Variants in GREB1L observed in about 807,000 individuals in gnomAD.
GREB1L encodes the protein GREB1 like retinoic acid receptor coactivator.
In GREB1L, 17 loss-of-function variants were observed where a neutral mutation model predicts 200.8. The observed-to-expected ratio is 0.08, with a 90% confidence interval of 0.06 to 0.13. The LOEUF (loss-of-function observed/expected upper bound fraction) is 0.13. Ranked by LOEUF, GREB1L falls within the 10% of genes least tolerant of loss-of-function variation. GREB1L has a pLI of 1.00. For missense variants in GREB1L, 1,657 were observed against 2,367.7 expected, an observed-to-expected ratio of 0.70 and a Z score of 6.23; for synonymous variants, 789 against 893.0, an observed-to-expected ratio of 0.88 and a Z score of 2.08.
At chr18:21,293,891 T>C (rs750131926) in intron 1 of GREB1L, among the ~76,000 whole-genome samples, 1 of 152,190 alleles carries the variant, frequency 6.6e-6, no homozygotes. Context: ...GTGATACTCA[T>C]ACCTCAGCCT....
intron 1 of GREB1L, among the ~76,000 whole-genome samples, chr18:21,326,544 CTT>C (rs2039025848): frequency 6.6e-6 from 1 of 152,098 alleles, no homozygotes; most frequent in South Asian, 2.1e-4. Context: ...ATTTTATATT[CTT>C]TTTATAAAAG....
intron 13 of GREB1L, 122 bp downstream of exon 13, chr18:21,451,273 A>C: frequency 9.0e-7 from 1 of 1,110,872 alleles, no homozygotes; most frequent in Non-Finnish European, 1.3e-6. Context: ...TTCATTTGAA[A>C]TGGTTTATCC....
chr18:21,376,737 G>A (rs1263018561), intron 2 of GREB1L, among the ~76,000 whole-genome samples: 8 of 145,400 alleles, frequency 5.5e-5, no homozygotes, highest in African/African-American at 1.3e-4. Context: ...TCCGGGAGGC[G>A]TAGCTTGCAG....
chr18:21,368,114 T>G (rs1449863703), intron 2 of GREB1L, among the ~76,000 whole-genome samples: 1 of 152,248 alleles, frequency 6.6e-6, no homozygotes, highest in Non-Finnish European at 1.5e-5. Context: ...ATAATAGGCC[T>G]TGTTAATTTA....
intron 5 of GREB1L, among the ~76,000 whole-genome samples, chr18:21,399,283 C>T (rs1186514479): frequency 6.6e-6 from 1 of 152,142 alleles, no homozygotes; most frequent in African/African-American, 2.4e-5. Context: ...ACAGGTCAGG[C>T]AGTTTTCCAT....
chr18:21,453,133 G>A (rs189257072), intron 14 of GREB1L, among the ~76,000 whole-genome samples: 9 of 152,326 alleles, frequency 5.9e-5, no homozygotes, highest in African/African-American at 1.7e-4. Flanking sequence ...TACAGATTCC[G>A]GAGTACATTC....
At chr18:21,471,426 A>G (rs112631309) in intron 15 of GREB1L, among the ~76,000 whole-genome samples, 4 of 151,970 alleles carry the variant, frequency 2.6e-5, no homozygotes, top group African/African-American at 9.7e-5. Flanking sequence ...TCCTCTGCCT[A>G]CCCCATAGTA....
rs1347083305 is a variant in GREB1L at position 21,454,473 on chromosome 18, C to A, written c.2092C>A (p.Leu698Ile). 6.4e-7 allele frequency: 1 copy of A among 1,551,610 alleles called. No homozygotes were observed. The highest frequency in any genetic ancestry group is 1.4e-5 in the African/African-American group (1 of 73,158). Residue 698 changes from leucine (L) to isoleucine (I), a missense_variant, in exon 15 of 33, where the codon CTC becomes ATC. Transcript: ENST00000424526. Reference sequence around the variant, plus strand: ...GGACAGTGGCAGCCAGAGCCTGGACCTCGGTCACTTCAGCAAAGTAGACTT... The same window carrying A: ...GGACAGTGGCAGCCAGAGCCTGGACATCGGTCACTTCAGCAAAGTAGACTT... Reference protein sequence around the residue: ...IADSGSQSLDLGHFSKVDFII... With the variant: ...IADSGSQSLDIGHFSKVDFII...
At chr18:21,464,404 C>T (rs1283571398) in intron 15 of GREB1L, among the ~76,000 whole-genome samples, 1 of 151,738 alleles carries the variant, frequency 6.6e-6, no homozygotes, top group Admixed American at 6.6e-5. Flanking sequence ...ATTAGCCGGG[C>T]GTAGTGGCAC....
intron 5 of GREB1L, among the ~76,000 whole-genome samples, chr18:21,398,011 A>G (rs1598757560): frequency 6.6e-6 from 1 of 152,340 alleles, no homozygotes; most frequent in Non-Finnish European, 1.5e-5. Context: ...CTAATGATAA[A>G]CAGTTCAGGT....
intron 7 of GREB1L, among the ~76,000 whole-genome samples, chr18:21,408,769 G>A (rs1276776352): frequency 7.3e-6 from 1 of 137,272 alleles, no homozygotes; most frequent in Non-Finnish European, 1.5e-5. Flanking sequence ...ATTCCAGCCT[G>A]AGCAAAAAGA....
At chr18:21,320,996 T>C (rs1260007678) in intron 1 of GREB1L, among the ~76,000 whole-genome samples, 4 of 152,096 alleles carry the variant, frequency 2.6e-5, no homozygotes, top group Non-Finnish European at 5.9e-5. Flanking sequence ...AAAAATAATA[T>C]TTAAAGATGT....
chr18:21,242,872 C>T (rs1251112012), intron 1 of GREB1L, among the ~76,000 whole-genome samples: 1 of 152,020 alleles, frequency 6.6e-6, no homozygotes, highest in Non-Finnish European at 1.5e-5. Context: ...GGCGGGCGGG[C>T]GACAGGTAGG....
chr18:21,328,181 C>G (rs754263025), intron 1 of GREB1L, among the ~76,000 whole-genome samples: 7 of 152,070 alleles, frequency 4.6e-5, no homozygotes, highest in African/African-American at 7.2e-5. Context: ...GCCATTGCCC[C>G]CCCCCGTTCC....
At chr18:21,282,878 G>A (rs1485128481) in intron 1 of GREB1L, among the ~76,000 whole-genome samples, 8 of 152,174 alleles carry the variant, frequency 5.3e-5, no homozygotes, top group African/African-American at 1.7e-4. Context: ...GATTACAGGC[G>A]TGAGCCACTG....
chr18:21,471,174 G>A (rs115147962), intron 15 of GREB1L, among the ~76,000 whole-genome samples: 296 of 152,170 alleles, frequency 1.9e-3, no homozygotes, highest in African/African-American at 7.0e-3. Context: ...AACCACAATC[G>A]GTCTTTATTT....
At chr18:21,252,783 G>A (rs536032072) in intron 1 of GREB1L, among the ~76,000 whole-genome samples, 7 of 152,024 alleles carry the variant, frequency 4.6e-5, no homozygotes, top group East Asian at 1.9e-4. Context: ...CATGAGAATC[G>A]CTTGAACCCG....
chr18:21,512,545 C>T lies in GREB1L; in HGVS notation c.4736-1276C>T, dbSNP rs543983595. On this transcript the variant is annotated intron_variant, in intron 27 of 32. Coordinates refer to ENST00000424526, the MANE Select transcript of GREB1L (RefSeq NM_001142966.3). ...TGCATCTTTGCTGGATTCACATATT[C>T]ATTCTAAAGGGGATTTTTGGTGGAA... Among the ~76,000 whole-genome samples, 8 of 152,268 alleles carry T rather than the reference C, an allele frequency of 5.3e-5. No homozygotes were observed. The South Asian group carries it at 1.7e-3, about 32-fold the overall frequency.
intron 1 of GREB1L, among the ~76,000 whole-genome samples, chr18:21,306,269 T>C (rs926455675): frequency 6.6e-6 from 1 of 152,188 alleles, no homozygotes; most frequent in East Asian, 1.9e-4. Flanking sequence ...CCATGAGGCA[T>C]ATAAACTGCT....
Sources: allele counts gnomAD v4.1 joint callset (sites outside exome capture counted in the v4.1 genomes callset), GRCh38; gene constraint gnomAD v4.1.1; transcripts MANE v1.5; gene names NCBI Gene and HGNC (gene_info 2026-07-23, HGNC 2026-07-21).